Variants in SLC1A7 observed in about 807,000 individuals in gnomAD.
SLC1A7 encodes excitatory amino acid transporter 5.
SLC1A7 carries 40 observed loss-of-function variants against 47.7 expected under a neutral mutation model. The ratio of observed to expected loss-of-function variants is 0.84; its 90% CI spans 0.65 to 1.09. The LOEUF (loss-of-function observed/expected upper bound fraction) is 1.09, where lower values mean the gene tolerates loss of function less well. SLC1A7 is among the 50% of genes least tolerant of loss of function. The pLI is 0.00. For missense variants in SLC1A7, 746 were observed against 769.5 expected (o/e 0.97, Z 0.36); for synonymous variants, 323 against 325.6 (o/e 0.99, Z 0.09).
At position 53,116,593 on chromosome 1, in the gene SLC1A7, G is replaced by C. The variant is rs1443780352; in HGVS notation, c.216-1620C>G. 2.0e-5 allele frequency among the ~76,000 whole-genome samples: 3 copies of C among 152,198 alleles called. No individual in the cohort carries two copies. The East Asian group carries it at 5.8e-4, about 29-fold the overall frequency. On this transcript the variant is annotated intron_variant, in intron 2 of 10. Coordinates refer to ENST00000371494, the MANE Select transcript of SLC1A7 (RefSeq NM_006671.6). Reference sequence around the variant, plus strand: ...ATGGGATTGTGCAGCCAGAGGAAATGGGGGGCTGCCCTGCAATCATCATCA... The same window carrying C: ...ATGGGATTGTGCAGCCAGAGGAAATCGGGGGCTGCCCTGCAATCATCATCA...
intron 5 of SLC1A7, among the ~76,000 whole-genome samples, chr1:53,098,040 C>T (rs1210285914): frequency 3.3e-5 from 5 of 151,052 alleles, no homozygotes; most frequent in African/African-American, 1.2e-4. Flanking sequence ...CTCACATACC[C>T]TGCCTCCGTA....
At chr1:53,134,015 C>T (rs892020675) in intron 2 of SLC1A7, among the ~76,000 whole-genome samples, 1 of 152,168 alleles carries the variant, frequency 6.6e-6, no homozygotes, top group Non-Finnish European at 1.5e-5. Flanking sequence ...GTTCTCTTTT[C>T]CCCAGGCCTT....
intron 8 of SLC1A7, 97 bp downstream of exon 8, chr1:53,090,515 C>T: frequency 6.9e-7 from 1 of 1,439,258 alleles, no homozygotes; most frequent in Non-Finnish European, 9.1e-7. Flanking sequence ...CGAGCCCAGG[C>T]TCGCTCGCTT....
Position 53,106,262 on chromosome 1 carries a change from G to A in SLC1A7, c.432-488C>T, listed in dbSNP as rs1017626822. On this transcript the variant is annotated intron_variant, in intron 3 of 10. Coordinates refer to ENST00000371494, the MANE Select transcript of SLC1A7 (RefSeq NM_006671.6). ...TCTGTGGGGCCTAACACGGGACCTC[G>A]CACATAGGTGGGCTCATTATTCTTA... is the stretch of plus-strand genomic sequence containing the variant. Among the ~76,000 whole-genome samples the A allele has an allele frequency of 4.0e-5, 6 of 151,854 alleles. No homozygotes were observed. In the East Asian group the frequency reaches 7.7e-4, roughly 20 times the overall value.
rs1267475641 is a variant in SLC1A7, at chr1:53,087,197, C to A, written c.*812G>T. On this transcript the variant is annotated 3_prime_UTR_variant, in exon 11 of 11. Coordinates refer to ENST00000371494, the MANE Select transcript of SLC1A7 (RefSeq NM_006671.6). ...CCCACAAGAAGTGAAAAACAAAATA[C>A]CTTTATTTAGTTAACACTGAATTTG... 1.3e-5 allele frequency: 2 copies of A among 152,210 alleles called. No homozygotes were observed. Among genetic ancestry groups the A allele is most frequent in the African/African-American group, 2.4e-5 (1 of 41,442 alleles). The allele number at this position is 152,210 out of a possible 1,614,324, so 9.4% of individuals were successfully genotyped here.
intron 9 of SLC1A7, among the ~76,000 whole-genome samples, 169 bp from the exon 10 acceptor site, chr1:53,089,148 C>T (rs567318247): frequency 1.6e-4 from 25 of 152,348 alleles, no homozygotes; most frequent in Middle Eastern, 3.4e-3. Flanking sequence ...ATCATTGAAG[C>T]AGCTTCTTGG....
chr1:53,129,450 G>A lies in SLC1A7; in HGVS notation c.215+4900C>T, dbSNP rs896910935. Among the ~76,000 whole-genome samples the A allele has an allele frequency of 1.4e-5, 2 of 144,036 alleles. 1 individual carries two copies. The highest frequency in any genetic ancestry group is 3.1e-5 in the Non-Finnish European group (2 of 64,774). 94.5% of individuals were successfully genotyped at this position (144,036 alleles called of 152,430 possible). A position where few individuals can be genotyped will look rare whatever the true frequency, so the allele number is the denominator to read the frequency against. Reference sequence around the variant, plus strand: ...CCCCGCCCATGCTTCCTGCTCCCCCGCCACATTGTGACAGATGAAGCCACC... The same window carrying A: ...CCCCGCCCATGCTTCCTGCTCCCCCACCACATTGTGACAGATGAAGCCACC... On this transcript the variant is annotated intron_variant, in intron 2 of 10. Transcript: ENST00000371494.
At chr1:53,089,754 G>A (rs1644398726) in intron 9 of SLC1A7, 46 bp downstream of exon 9, 2 of 1,604,990 alleles carry the variant, frequency 1.2e-6, no homozygotes, top group Admixed American at 3.4e-5. Context: ...TGACCCTGAA[G>A]TCAGCCCCTC....
chr1:53,095,339 C>G (rs1644473285), intron 5 of SLC1A7, among the ~76,000 whole-genome samples: 1 of 151,956 alleles, frequency 6.6e-6, no homozygotes, highest in Admixed American at 6.6e-5. Flanking sequence ...TGCACGTGCA[C>G]ACAGACACAG....
At chr1:53,129,842 G>C (rs1445806199) in intron 2 of SLC1A7, among the ~76,000 whole-genome samples, 2 of 100,350 alleles carry the variant, frequency 2.0e-5, no homozygotes, top group Non-Finnish European at 4.4e-5. Context: ...GCAGAGGTCA[G>C]TGTGAAAGAC....
intron 5 of SLC1A7, among the ~76,000 whole-genome samples, chr1:53,098,021 C>T (rs74224011): frequency 0.076 from 11,482 of 150,878 alleles, 632 homozygotes; most frequent in East Asian, 0.17. Flanking sequence ...CAAACCCTGC[C>T]TCGGTACACT....
chr1:53,127,857 G>A (rs1255410853), intron 2 of SLC1A7, among the ~76,000 whole-genome samples: 1 of 152,134 alleles, frequency 6.6e-6, no homozygotes, highest in Admixed American at 6.5e-5. Context: ...GCATGGAGGC[G>A]GATTCTCCCT....
intron 2 of SLC1A7, among the ~76,000 whole-genome samples, chr1:53,117,449 T>C (rs1396068588): frequency 1.3e-5 from 2 of 152,172 alleles, no homozygotes; most frequent in Non-Finnish European, 2.9e-5. Context: ...GAAGTAGTAC[T>C]TGTAAGATCA....
intron 2 of SLC1A7, among the ~76,000 whole-genome samples, chr1:53,133,084 A>C (rs1003482139): frequency 6.6e-6 from 1 of 152,164 alleles, no homozygotes; most frequent in African/African-American, 2.4e-5. Flanking sequence ...AAGCAGGCAA[A>C]AAGTTAGAAG....
At position 53,103,379 on chromosome 1, in the gene SLC1A7, C is replaced by T. The variant is rs1280382484; in HGVS notation, c.664G>A (p.Val222Met). The T allele has an allele frequency of 1.9e-6, 3 of 1,609,284 alleles. No individual in the cohort carries two copies. The highest frequency in any genetic ancestry group is 2.2e-5 in the South Asian group (2 of 89,900). Residue 222 changes from valine (V) to methionine (M), a missense_variant, in exon 5 of 11, where the codon GTG becomes ATG. Transcript: ENST00000371494. ...GCAGAGAAGAAGACGATGCCCAGCA[C>T]ATTCATGCCATCGCTGGTGCCCGGC... is the stretch of plus-strand genomic sequence containing the variant. Reference protein sequence around the residue: ...SEPGTSDGMNVLGIVFFSATM... With the variant: ...SEPGTSDGMNMLGIVFFSATM...
chr1:53,097,374 A>C (rs1185376861), intron 5 of SLC1A7, among the ~76,000 whole-genome samples: 1 of 138,016 alleles, frequency 7.2e-6, no homozygotes, highest in African/African-American at 2.7e-5. Flanking sequence ...CCCTCGGTAC[A>C]CTCACACACA....
intron 5 of SLC1A7, among the ~76,000 whole-genome samples, chr1:53,100,010 C>T (rs1369347713): frequency 6.9e-6 from 1 of 145,472 alleles, no homozygotes; most frequent in African/African-American, 2.8e-5. Flanking sequence ...TACACTCACA[C>T]ACCTTGTCTT....
Position 53,092,772 on chromosome 1 carries a change from G to A in SLC1A7, c.813C>T (p.Gly271=). ...TCTTACCCGCAATGAGGAACACAAT[G>A]CCGAAGGGGAAATACCTGGGGGCGG... ...VAVAVWYFPF[G]IVFLIAGKIL... Residue 271 remains glycine (G), a synonymous_variant, in exon 7 of 11, where the codon GGC becomes GGT. Coordinates refer to ENST00000371494, the MANE Select transcript of SLC1A7 (RefSeq NM_006671.6). The A allele has an allele frequency of 5.6e-6, 9 of 1,612,766 alleles. No individual in the cohort carries two copies. The highest frequency in any genetic ancestry group is 7.6e-6 in the Non-Finnish European group (9 of 1,178,990).
In SLC1A7 at chr1:53,087,841, C is replaced by T. The variant is rs1644376157; in HGVS notation, c.*168G>A. 1 of 418,008 alleles carries T rather than the reference C, an allele frequency of 2.4e-6. No homozygotes were observed. Among genetic ancestry groups the T allele is most frequent in the Non-Finnish European group, 4.2e-6 (1 of 236,522 alleles). 25.9% of individuals were successfully genotyped at this position (418,008 alleles called of 1,614,324 possible). ...TGGGGCTCCCCCATGCAGCCTTTCC[C>T]TTCTCTGAGATACATTTTCCGTCAA... On this transcript the variant is annotated 3_prime_UTR_variant, in exon 11 of 11. Coordinates refer to ENST00000371494, the MANE Select transcript of SLC1A7 (RefSeq NM_006671.6).
Sources: gnomAD v4.1 joint callset for allele counts (sites outside exome capture counted in the v4.1 genomes callset) on GRCh38, gnomAD v4.1.1 for gene constraint, MANE v1.5 for transcripts, NCBI Gene and HGNC (gene_info 2026-07-23, HGNC 2026-07-21) for gene names.